ZBTB20: variants seen among roughly 807,000 people sequenced by gnomAD.
ZBTB20 encodes the protein zinc finger and BTB domain containing 20.
Under a neutral mutation model 56.9 loss-of-function variants are expected in ZBTB20, and 9 were observed. The observed-to-expected ratio is 0.16, with a 90% CI of 0.10 to 0.28. The LOEUF (loss-of-function observed/expected upper bound fraction) is 0.28. ZBTB20 is among the 10% of genes least tolerant of loss of function. The probability of loss-of-function intolerance (pLI) is 1.00; values close to 1 mark genes in which losing one functional copy is unlikely to be tolerated. For missense variants in ZBTB20, 655 were observed against 1,003.0 expected (o/e 0.65, Z 4.69); for synonymous variants, 417 against 420.7 (o/e 0.99, Z 0.11).
chr3:114,316,357 T>C lies in ZBTB20; in HGVS notation c.*22648A>G, dbSNP rs981550786. On this transcript the variant is annotated 3_prime_UTR_variant, in exon 12 of 12. Coordinates refer to ENST00000675478, the MANE Select transcript of ZBTB20 (RefSeq NM_001348800.3). Reference sequence around the variant, plus strand: ...AGCTGTTTTTATTTTTTGTGATCTGTTGCAAGAGTCCAACCTTGTTTCCTC... The same window carrying C: ...AGCTGTTTTTATTTTTTGTGATCTGCTGCAAGAGTCCAACCTTGTTTCCTC... 1 of 412,648 alleles carries C rather than the reference T, an allele frequency of 2.4e-6. No individual in the cohort carries two copies. Among genetic ancestry groups the C allele is most frequent in the East Asian group, 8.7e-5 (1 of 11,476 alleles). The allele number at this position is 412,648 out of a possible 1,614,324, so 25.6% of individuals were successfully genotyped here.
At chr3:114,620,259 A>G (rs972486888) in intron 6 of ZBTB20, among the ~76,000 whole-genome samples, 2 of 152,074 alleles carry the variant, frequency 1.3e-5, no homozygotes, top group African/African-American at 4.8e-5. Flanking sequence ...GACTCTGCCA[A>G]TTTGTGTTCT....
At position 114,319,745 on chromosome 3, in the gene ZBTB20, G is replaced by A. The variant is rs1282972728; in HGVS notation, c.*19260C>T. ...TGAGGTAGCACATGGGAAGTCAGAG[G>A]ACTGAAGCGTGTCCATGTGTGTACT... is the stretch of plus-strand genomic sequence containing the variant. On this transcript the variant is annotated 3_prime_UTR_variant, in exon 12 of 12. Transcript: ENST00000675478. 6.6e-6 allele frequency: 1 copy of A among 151,974 alleles called. No individual in the cohort carries two copies. The highest frequency in any genetic ancestry group is 2.4e-5 in the African/African-American group (1 of 41,358). The allele number at this position is 151,974 out of a possible 1,614,324, so 9.4% of individuals were successfully genotyped here.
intron 1 of ZBTB20, among the ~76,000 whole-genome samples, chr3:115,089,866 A>G (rs550364319): frequency 7.9e-5 from 12 of 151,982 alleles, no homozygotes; most frequent in Non-Finnish European, 1.2e-4. Context: ...TTTCAAGCCT[A>G]AACTTTTCTT....
chr3:115,057,386 T>G (rs1041993732), intron 2 of ZBTB20, among the ~76,000 whole-genome samples: 1 of 152,120 alleles, frequency 6.6e-6, no homozygotes, highest in Non-Finnish European at 1.5e-5. Flanking sequence ...GTTTACAATA[T>G]GTAACTTTTA....
intron 3 of ZBTB20, among the ~76,000 whole-genome samples, chr3:114,910,722 C>G (rs551487561): frequency 6.6e-6 from 1 of 151,950 alleles, no homozygotes; most frequent in South Asian, 2.1e-4. Flanking sequence ...TAAATGGGCT[C>G]AAAGTCATAA....
chr3:115,070,935 A>G (rs1170632814), intron 2 of ZBTB20, among the ~76,000 whole-genome samples: 1 of 152,020 alleles, frequency 6.6e-6, no homozygotes, highest in Non-Finnish European at 1.5e-5. Context: ...GGCAGTTACT[A>G]CTTATGTGAT....
intron 6 of ZBTB20, among the ~76,000 whole-genome samples, chr3:114,503,905 G>C (rs1014526470): frequency 6.6e-6 from 1 of 152,078 alleles, no homozygotes; most frequent in African/African-American, 2.4e-5. Context: ...ATTTTGAAGT[G>C]ATACCGATCC....
intron 4 of ZBTB20, among the ~76,000 whole-genome samples, chr3:114,807,062 AC>A (rs2072160946): frequency 6.6e-6 from 1 of 151,908 alleles, no homozygotes; most frequent in Non-Finnish European, 1.5e-5. Context: ...AAGTATTTTC[AC>A]TATTTTGGAT....
At chr3:114,961,901 C>T (rs2077467972) in intron 3 of ZBTB20, among the ~76,000 whole-genome samples, 1 of 152,058 alleles carries the variant, frequency 6.6e-6, no homozygotes, top group Non-Finnish European at 1.5e-5. Context: ...GTTACAAGAA[C>T]AGAGGATAGA....
intron 2 of ZBTB20, among the ~76,000 whole-genome samples, 171 bp from the exon 3 acceptor site, chr3:114,974,587 A>T (rs1025340355): frequency 6.6e-6 from 1 of 152,178 alleles, no homozygotes; most frequent in Non-Finnish European, 1.5e-5. Flanking sequence ...ACTCAGTAAA[A>T]CGTGGCCCAA....
chr3:114,334,819 A>C lies in ZBTB20; in HGVS notation c.*4186T>G, dbSNP rs542564781. 5.3e-5 allele frequency: 8 copies of C among 152,346 alleles called. No homozygotes were observed. The highest frequency in any genetic ancestry group is 7.3e-5 in the Non-Finnish European group (5 of 68,030). 9.4% of individuals were successfully genotyped at this position (152,346 alleles called of 1,614,324 possible). On this transcript the variant is annotated 3_prime_UTR_variant, in exon 12 of 12. Transcript: ENST00000675478. ...GAGAACGGTCTATAAAACTGTTATTAGGAGCTAAAGTTTACCTCTCAATTA... is the reference window on the plus strand; with the variant it reads ...GAGAACGGTCTATAAAACTGTTATTCGGAGCTAAAGTTTACCTCTCAATTA...
At chr3:114,813,577 C>A (rs1399192797) in intron 4 of ZBTB20, among the ~76,000 whole-genome samples, 2 of 152,094 alleles carry the variant, frequency 1.3e-5, no homozygotes, top group African/African-American at 4.8e-5. Context: ...ACAGAAAAAT[C>A]CTGTCTGTAC....
rs981012846 is a variant in ZBTB20 at position 114,917,236 on chromosome 3, T to C, written c.-455-16894A>G. On this transcript the variant is annotated intron_variant, in intron 3 of 11. Coordinates refer to ENST00000675478, the MANE Select transcript of ZBTB20 (RefSeq NM_001348800.3). ...TTGATTCTTAAAAATTGTGTCAATCTATTTGTTAAATTTGTCTGATAGGAT... is the reference window on the plus strand; with the variant it reads ...TTGATTCTTAAAAATTGTGTCAATCCATTTGTTAAATTTGTCTGATAGGAT... Among the ~76,000 whole-genome samples, 7 of 152,244 alleles carry C rather than the reference T, an allele frequency of 4.6e-5. No homozygotes were observed. In the South Asian group the frequency reaches 1.4e-3, roughly 31 times the overall value.
chr3:115,044,212 C>A (rs1476431107), intron 2 of ZBTB20, among the ~76,000 whole-genome samples: 9 of 151,918 alleles, frequency 5.9e-5, no homozygotes. Flanking sequence ...GCCTACTACA[C>A]TCTCCAGGAA....
chr3:114,453,547 T>G (rs952032367), intron 7 of ZBTB20: 3 of 152,140 alleles, frequency 2.0e-5, no homozygotes, highest in African/African-American at 7.2e-5. Flanking sequence ...AATTGATTAT[T>G]TGATGGACTT....
rs1160078322 is a variant in ZBTB20 at position 114,333,653 on chromosome 3, A to G, written c.*5352T>C. On this transcript the variant is annotated 3_prime_UTR_variant, in exon 12 of 12. Transcript: ENST00000675478. Reference sequence around the variant, plus strand: ...CACCAAGTCACATGGTTCTGTCTTCAGTATCCTATTTTTCTTTTTTTTTAA... The same window carrying G: ...CACCAAGTCACATGGTTCTGTCTTCGGTATCCTATTTTTCTTTTTTTTTAA... 6.6e-6 allele frequency: 1 copy of G among 152,196 alleles called. No homozygotes were observed. Among genetic ancestry groups the G allele is most frequent in the Non-Finnish European group, 1.5e-5 (1 of 68,024 alleles). The allele number at this position is 152,196 out of a possible 1,614,324, so 9.4% of individuals were successfully genotyped here.
At chr3:115,037,889 T>C (rs1449867755) in intron 2 of ZBTB20, among the ~76,000 whole-genome samples, 2 of 152,208 alleles carry the variant, frequency 1.3e-5, no homozygotes, top group East Asian at 1.9e-4. Context: ...TAAATAAATA[T>C]GCTAGAAAAC....
At chr3:115,015,792 A>G (rs887494040) in intron 2 of ZBTB20, among the ~76,000 whole-genome samples, 1 of 151,722 alleles carries the variant, frequency 6.6e-6, no homozygotes, top group Non-Finnish European at 1.5e-5. Context: ...ACGTGCATGT[A>G]TCTTTATAAT....
intron 3 of ZBTB20, among the ~76,000 whole-genome samples, chr3:114,961,583 G>A (rs920489701): frequency 6.6e-6 from 1 of 151,918 alleles, no homozygotes; most frequent in Non-Finnish European, 1.5e-5. Flanking sequence ...CTTCTTCAAG[G>A]AAAAAAGTGG....
Sources: allele counts gnomAD v4.1 joint callset (sites outside exome capture counted in the v4.1 genomes callset), GRCh38; gene constraint gnomAD v4.1.1; transcripts MANE v1.5; gene names NCBI Gene and HGNC (gene_info 2026-07-23, HGNC 2026-07-21).